SPAG16: variants seen among roughly 807,000 people sequenced by gnomAD.
The protein encoded by SPAG16 is sperm-associated antigen 16 protein.
In SPAG16, 86 loss-of-function variants were observed where a neutral mutation model predicts 80.4. That is an observed-to-expected ratio of 1.07 (90% confidence interval 0.90 to 1.28). The LOEUF (loss-of-function observed/expected upper bound fraction) is 1.28, where lower values mean the gene tolerates loss of function less well. SPAG16 is among the 50% of genes most tolerant of loss of function. SPAG16 has a pLI of 0.00. For synonymous variants in SPAG16, 294 were observed against 265.9 expected (o/e 1.11, Z -1.03); for missense variants, 870 against 765.3 (o/e 1.14, Z -1.61).
intron 10 of SPAG16, among the ~76,000 whole-genome samples, chr2:213,573,201 G>A (rs1466383569): frequency 1.3e-5 from 2 of 152,148 alleles, no homozygotes; most frequent in Non-Finnish European, 2.9e-5. Flanking sequence ...CGTCTTCTGC[G>A]TCGGTCACGC....
intron 9 of SPAG16, among the ~76,000 whole-genome samples, chr2:213,390,637 TA>T (rs1281496178): frequency 6.6e-6 from 1 of 152,186 alleles, no homozygotes; most frequent in East Asian, 1.9e-4. Flanking sequence ...AGCAGCAATT[TA>T]AAAGCCTACA....
Position 213,307,427 on chromosome 2 carries a change from T to C in SPAG16, c.280-2632T>C, listed in dbSNP as rs1300778230. On this transcript the variant is annotated intron_variant, in intron 3 of 15. Transcript: ENST00000331683. The stretch of plus-strand genomic sequence containing the variant: ...GTGTCCATGTGTTCTCATTGTTCAG[T>C]TCCCACCTATGAGTGAGAATATGCG... 4.2e-5 allele frequency among the ~76,000 whole-genome samples: 6 copies of C among 142,018 alleles called. 1 individual carries two copies. The highest frequency in any genetic ancestry group is 2.2e-4 in the Admixed American group (3 of 13,802). 93.2% of individuals were successfully genotyped at this position (142,018 alleles called of 152,430 possible).
At chr2:214,166,920 T>C (rs1369368806) in intron 15 of SPAG16, among the ~76,000 whole-genome samples, 1 of 152,180 alleles carries the variant, frequency 6.6e-6, no homozygotes, top group Non-Finnish European at 1.5e-5. Context: ...GGTATCTTTT[T>C]AACTTGTTTT....
intron 10 of SPAG16, among the ~76,000 whole-genome samples, chr2:213,722,788 T>G (rs1254085777): frequency 6.6e-6 from 1 of 152,064 alleles, no homozygotes; most frequent in Non-Finnish European, 1.5e-5. Flanking sequence ...TCCAAGCAGT[T>G]GAAATGGGCT....
intron 10 of SPAG16, among the ~76,000 whole-genome samples, chr2:213,630,752 A>AGTACTT (rs2062119861): frequency 6.6e-6 from 1 of 152,188 alleles, no homozygotes; most frequent in African/African-American, 2.4e-5. Flanking sequence ...AAGGGCAGAG[A>AGTACTT]GTACTTGTTT....
intron 10 of SPAG16, among the ~76,000 whole-genome samples, chr2:213,746,880 T>C (rs565486051): frequency 2.6e-5 from 4 of 152,324 alleles, no homozygotes; most frequent in East Asian, 1.9e-4. Flanking sequence ...TGATAATAGA[T>C]GACTGTTCCT....
chr2:214,075,861 A>G (rs2051049501), intron 13 of SPAG16, among the ~76,000 whole-genome samples: 2 of 152,140 alleles, frequency 1.3e-5, no homozygotes, highest in Admixed American at 6.6e-5. Context: ...AAATTCAAGA[A>G]CTGTGCTGGA....
intron 12 of SPAG16, among the ~76,000 whole-genome samples, chr2:213,958,054 T>A (rs1012766202): frequency 1.1e-4 from 17 of 152,122 alleles, no homozygotes; most frequent in African/African-American, 4.1e-4. Context: ...CAGCATGTCT[T>A]GCTGAGCCAA....
chr2:213,790,642 T>G lies in SPAG16; in HGVS notation c.1071-71843T>G, dbSNP rs138292166. Among the ~76,000 whole-genome samples the G allele has an allele frequency of 2.7e-3, 406 of 152,090 alleles. 1 individual carries two copies. The highest frequency in any genetic ancestry group is 9.2e-3 in the African/African-American group (384 of 41,538). ...GGTGAAAAACACCAATTATATACAA[T>G]GTGAGCATACCAGTATTGTGTATAT... On this transcript the variant is annotated intron_variant, in intron 10 of 15. Coordinates refer to ENST00000331683, the MANE Select transcript of SPAG16 (RefSeq NM_024532.5).
At chr2:213,923,668 C>T (rs1444361947) in intron 11 of SPAG16, among the ~76,000 whole-genome samples, 1 of 152,108 alleles carries the variant, frequency 6.6e-6, no homozygotes, top group Non-Finnish European at 1.5e-5. Flanking sequence ...GCTGTGCCCT[C>T]CAGCTGAGTT....
chr2:213,437,015 C>T (rs1351264875), intron 9 of SPAG16, among the ~76,000 whole-genome samples: 1 of 151,878 alleles, frequency 6.6e-6, no homozygotes, highest in African/African-American at 2.4e-5. Flanking sequence ...GGGTTCACGC[C>T]ATTCTCCTGC....
At chr2:213,732,364 G>A (rs1416175461) in intron 10 of SPAG16, among the ~76,000 whole-genome samples, 1 of 152,030 alleles carries the variant, frequency 6.6e-6, no homozygotes, top group Admixed American at 6.5e-5. Context: ...AGGAATACAG[G>A]TAACAAAGAA....
intron 10 of SPAG16, among the ~76,000 whole-genome samples, chr2:213,859,260 C>CTATTA (rs2075320388): frequency 7.5e-6 from 1 of 132,694 alleles, no homozygotes; most frequent in Non-Finnish European, 1.6e-5. Flanking sequence ...CGGACTTCTA[C>CTATTA]TATTAGCACA....
chr2:213,856,298 C>T (rs1023616308), intron 10 of SPAG16, among the ~76,000 whole-genome samples: 1 of 152,130 alleles, frequency 6.6e-6, no homozygotes, highest in African/African-American at 2.4e-5. Context: ...GCAGCTCCAC[C>T]CCTGTGGCTT....
chr2:213,747,583 A>G (rs1286999238), intron 10 of SPAG16, among the ~76,000 whole-genome samples: 2 of 152,256 alleles, frequency 1.3e-5, no homozygotes, highest in East Asian at 3.8e-4. Flanking sequence ...GTTCAGATAC[A>G]CAAATAGTTA....
At position 214,108,479 on chromosome 2, in the gene SPAG16, A is replaced by ACACACCCC. The variant is rs71409874; in HGVS notation, c.1593+219_1593+220insACACCCCC. On this transcript the variant is annotated intron_variant, in intron 14 of 15. Coordinates refer to ENST00000331683, the MANE Select transcript of SPAG16 (RefSeq NM_024532.5). Reference sequence around the variant, plus strand: ...CACACACACACACACACACACACACACCCCCACACACACCCCAAGTCGTAG... The same window carrying ACACACCCC: ...CACACACACACACACACACACACACACACACCCCCCCCCACACACACCCCAAGTCGTAG... 1.1e-4 allele frequency among the ~76,000 whole-genome samples: 6 copies of ACACACCCC among 52,404 alleles called. No individual in the cohort carries two copies. The East Asian group carries it at 1.4e-3, about 12-fold the overall frequency. 34.4% of individuals were successfully genotyped at this position (52,404 alleles called of 152,430 possible).
chr2:213,356,520 C>T (rs1470181710), intron 7 of SPAG16, among the ~76,000 whole-genome samples: 2 of 152,148 alleles, frequency 1.3e-5, no homozygotes, highest in Admixed American at 6.5e-5. Context: ...TCTAAATTTT[C>T]TAGTTTATTT....
intron 9 of SPAG16, among the ~76,000 whole-genome samples, chr2:213,485,774 A>C (rs1217999633): frequency 6.6e-6 from 1 of 152,084 alleles, no homozygotes; most frequent in Admixed American, 6.5e-5. Flanking sequence ...TGAACAGCAA[A>C]TAACAAGATA....
At chr2:213,606,364 G>A (rs547294633) in intron 10 of SPAG16, among the ~76,000 whole-genome samples, 5 of 152,208 alleles carry the variant, frequency 3.3e-5, no homozygotes, top group South Asian at 4.1e-4. Flanking sequence ...AAAAATTCAC[G>A]CTCCCACAAG....
Sources: gnomAD v4.1 joint callset for allele counts (sites outside exome capture counted in the v4.1 genomes callset) on GRCh38, gnomAD v4.1.1 for gene constraint, MANE v1.5 for transcripts, NCBI Gene and HGNC (gene_info 2026-07-23, HGNC 2026-07-21) for gene names.